SEPTIN9: variants seen among roughly 807,000 people sequenced by gnomAD.
The protein encoded by SEPTIN9 is septin-9.
In SEPTIN9, 13 loss-of-function variants were observed where a neutral mutation model predicts 56.6. The ratio of observed to expected loss-of-function variants is 0.23; its 90% CI spans 0.15 to 0.37. SEPTIN9 has a LOEUF of 0.37. SEPTIN9 is among the 10% of genes least tolerant of loss of function. The pLI, the probability that SEPTIN9 is intolerant of heterozygous loss-of-function variation, is 1.00. For missense variants in SEPTIN9, 650 were observed against 823.1 expected (o/e 0.79, Z 2.57); for synonymous variants, 332 against 334.1 (o/e 0.99, Z 0.07).
chr17:77,375,795 G>C (rs1019265219), intron 2 of SEPTIN9: 1 of 152,730 alleles, frequency 6.5e-6, no homozygotes, highest in Admixed American at 6.5e-5. Flanking sequence ...GGCCCGAGTC[G>C]ATAGGCGTGA....
intron 3 of SEPTIN9, among the ~76,000 whole-genome samples, chr17:77,440,752 G>A (rs978496585): frequency 6.6e-6 from 1 of 152,212 alleles, no homozygotes; most frequent in East Asian, 1.9e-4. Context: ...CACTCTCCTC[G>A]CTGAGCCCTT....
intron 8 of SEPTIN9, among the ~76,000 whole-genome samples, chr17:77,491,654 A>G (rs2040032582): frequency 6.6e-6 from 1 of 151,654 alleles, no homozygotes; most frequent in Non-Finnish European, 1.5e-5. Context: ...AAATACAAAA[A>G]TATTAGTCGG....
rs1185600832 is a variant in SEPTIN9 at position 77,318,339 on chromosome 17, C to T, written c.76+11142C>T. 2.6e-5 allele frequency among the ~76,000 whole-genome samples: 4 copies of T among 152,160 alleles called. No individual in the cohort carries two copies. Among genetic ancestry groups the T allele is most frequent in the Admixed American group, 6.5e-5 (1 of 15,292 alleles). On this transcript the variant is annotated intron_variant, in intron 2 of 11. Coordinates refer to ENST00000427177, the MANE Select transcript of SEPTIN9 (RefSeq NM_001113491.2). This position sits in a 1 kb window ranked among gnomAD's most constrained non-coding sequence, Gnocchi z 4.9. ...TGTCTGTGTCAAATCTCCCTCTGCC[C>T]CCGTCTTGTATGAGCACCGAGACTG...
At chr17:77,359,612 G>A (rs1023183278) in intron 2 of SEPTIN9, among the ~76,000 whole-genome samples, 1 of 152,074 alleles carries the variant, frequency 6.6e-6, no homozygotes, top group Non-Finnish European at 1.5e-5. Context: ...TGGGCAAATT[G>A]CAAGACCCTG....
intron 2 of SEPTIN9, among the ~76,000 whole-genome samples, chr17:77,392,247 T>C (rs1237295576): frequency 6.6e-6 from 1 of 152,168 alleles, no homozygotes; most frequent in Non-Finnish European, 1.5e-5. Context: ...CTGGGACTTC[T>C]TGGGCCCAGG....
chr17:77,316,124 A>G (rs933108231), intron 2 of SEPTIN9, among the ~76,000 whole-genome samples: 9 of 152,222 alleles, frequency 5.9e-5, no homozygotes, highest in Admixed American at 1.3e-4. Context: ...AGACAGGACC[A>G]CAGAAACCTC....
At chr17:77,466,387 T>C in intron 3 of SEPTIN9, 1 of 985,372 alleles carries the variant, frequency 1.0e-6, no homozygotes, top group Non-Finnish European at 1.2e-6. Context: ...ATGTAGCTCC[T>C]TCCCGGAGTT....
rs928900468 is a variant in SEPTIN9 at position 77,425,026 on chromosome 17, C to T, written c.721+22323C>T. On this transcript the variant is annotated intron_variant, in intron 3 of 11. Coordinates refer to ENST00000427177, the MANE Select transcript of SEPTIN9 (RefSeq NM_001113491.2). This position sits in a 1 kb window ranked among gnomAD's most constrained non-coding sequence, Gnocchi z 4.2. ...GGACTTACGCATAGTTGGGCGAAGT[C>T]GAGTGACCACATGTGGAAGTCTAGC... is the stretch of plus-strand genomic sequence containing the variant. 3.3e-5 allele frequency among the ~76,000 whole-genome samples: 5 copies of T among 152,186 alleles called. No homozygotes were observed. The highest frequency in any genetic ancestry group is 7.2e-5 in the African/African-American group (3 of 41,446).
At chr17:77,355,392 G>A (rs532962213) in intron 2 of SEPTIN9, among the ~76,000 whole-genome samples, 12 of 152,352 alleles carry the variant, frequency 7.9e-5, no homozygotes, top group East Asian at 7.7e-4. Context: ...AGGGCTGTGC[G>A]TGTAGGATTT....
At chr17:77,288,308 T>C in intron 1 of SEPTIN9, 2 of 719,800 alleles carry the variant, frequency 2.8e-6, no homozygotes, top group Non-Finnish European at 3.5e-6. Context: ...TTCCCAGCGC[T>C]GCACCTGGGA....
intron 2 of SEPTIN9, among the ~76,000 whole-genome samples, chr17:77,351,203 C>T (rs1173563589): frequency 1.3e-5 from 2 of 151,068 alleles, no homozygotes; most frequent in East Asian, 2.0e-4. Flanking sequence ...GAGGGACTTG[C>T]GCAGGCACAT....
At chr17:77,388,104 C>G (rs1467105162) in intron 2 of SEPTIN9, among the ~76,000 whole-genome samples, 1 of 152,158 alleles carries the variant, frequency 6.6e-6, no homozygotes, top group Non-Finnish European at 1.5e-5. Flanking sequence ...GTGTCTGGCT[C>G]TCGCGGTATA....
chr17:77,442,960 G>A (rs1231357611), intron 3 of SEPTIN9, among the ~76,000 whole-genome samples: 1 of 152,150 alleles, frequency 6.6e-6, no homozygotes, highest in East Asian at 1.9e-4. Flanking sequence ...GAGCTGAGAT[G>A]GGAGATGTGA....
intron 1 of SEPTIN9, among the ~76,000 whole-genome samples, chr17:77,296,402 C>T (rs899438478): frequency 3.9e-5 from 6 of 151,990 alleles, no homozygotes; most frequent in African/African-American, 1.5e-4. Flanking sequence ...GACAGGCAGA[C>T]ACAGACAGAC....
chr17:77,389,848 C>G lies in SEPTIN9; in HGVS notation c.77-12211C>G, dbSNP rs1008856587. Among the ~76,000 whole-genome samples, 1 of 152,162 alleles carries G rather than the reference C, an allele frequency of 6.6e-6. No individual in the cohort carries two copies. The highest frequency in any genetic ancestry group is 6.5e-5 in the Admixed American group (1 of 15,276). Reference sequence around the variant, plus strand: ...AGCAGCCAGCAGCTGGTTTAGAACCCGGGGGTGGGGGGAGCGCTAGACCAG... The same window carrying G: ...AGCAGCCAGCAGCTGGTTTAGAACCGGGGGGTGGGGGGAGCGCTAGACCAG... On this transcript the variant is annotated intron_variant, in intron 2 of 11. Transcript: ENST00000427177. The surrounding 1 kb of genome is among the most constrained non-coding windows in gnomAD (Gnocchi z 4.3).
chr17:77,403,075 C>G (rs1011301843), intron 3 of SEPTIN9, among the ~76,000 whole-genome samples: 1 of 152,128 alleles, frequency 6.6e-6, no homozygotes, highest in African/African-American at 2.4e-5. Context: ...CAGGCTCATG[C>G]AGGGGTGTAG....
chr17:77,311,605 C>T (rs1457827177), intron 2 of SEPTIN9, among the ~76,000 whole-genome samples: 2 of 152,190 alleles, frequency 1.3e-5, no homozygotes, highest in Non-Finnish European at 2.9e-5. Context: ...CAGAGCCAAA[C>T]TCTCCTGACA....
Position 77,451,373 on chromosome 17 carries a change from G to A in SEPTIN9, c.722-30771G>A, listed in dbSNP as rs1183385432. ...ACCGAGCCTCCCTTCCCAGGCAGTC[G>A]AGGTCCCTCCCTACCTCTGCCCCGC... On this transcript the variant is annotated intron_variant, in intron 3 of 11. Transcript: ENST00000427177. This position sits in a 1 kb window ranked among gnomAD's most constrained non-coding sequence, Gnocchi z 4.2. The A allele has an allele frequency of 4.1e-6, 4 of 985,758 alleles. No individual in the cohort carries two copies. The East Asian group carries it at 3.4e-4, about 84-fold the overall frequency. The allele number at this position is 985,758 out of a possible 1,614,324, so 61.1% of individuals were successfully genotyped here. A position where few individuals can be genotyped will look rare whatever the true frequency, so the allele number is the denominator to read the frequency against.
chr17:77,396,970 G>C (rs569095767), intron 2 of SEPTIN9: 1 of 154,924 alleles, frequency 6.5e-6, no homozygotes, highest in East Asian at 1.9e-4. Context: ...CCCACAGTGG[G>C]CCATTTGTCG....
Sources: allele counts gnomAD v4.1 joint callset (sites outside exome capture counted in the v4.1 genomes callset), GRCh38; gene constraint gnomAD v4.1.1; non-coding constraint Gnocchi (gnomAD v3.1); transcripts MANE v1.5; gene names NCBI Gene and HGNC (gene_info 2026-07-23, HGNC 2026-07-21).